Variants in MYO1F observed in about 807,000 individuals in gnomAD.
The protein encoded by MYO1F is unconventional myosin-If.
A neutral mutation model predicts 146.6 loss-of-function variants in MYO1F; 60 were observed. The ratio of observed to expected loss-of-function variants is 0.41; its 90% CI spans 0.33 to 0.51. MYO1F has a LOEUF of 0.51. MYO1F is among the 20% of genes least tolerant of loss of function. The pLI, the probability that MYO1F is intolerant of heterozygous loss-of-function variation, is 0.25. For missense variants in MYO1F, 1,274 were observed against 1,534.3 expected (o/e 0.83, Z 2.83); for synonymous variants, 602 against 602.1 (o/e 1.00, Z 0.00).
chr19:8,528,855 C>T (rs1568333868), intron 21 of MYO1F, among the ~76,000 whole-genome samples: 1 of 152,002 alleles, frequency 6.6e-6, no homozygotes, highest in Non-Finnish European at 1.5e-5. Flanking sequence ...TATCTGAACT[C>T]TATGAGTTTG....
intron 10 of MYO1F, among the ~76,000 whole-genome samples, chr19:8,548,809 C>T (rs185509910): frequency 0.013 from 1,975 of 151,002 alleles, 14 homozygotes; most frequent in Non-Finnish European, 0.019. Context: ...ACTGTGGTCT[C>T]GATCTCCTGA....
chr19:8,523,503 A>G (rs1972146598), intron 25 of MYO1F, among the ~76,000 whole-genome samples: 1 of 151,476 alleles, frequency 6.6e-6, no homozygotes. Context: ...ATGCTCCACT[A>G]TGCCCAGTTG....
rs149786856 is a variant in MYO1F, at chr19:8,526,997, C to T, written c.2475-62G>A. Reference sequence around the variant, plus strand: ...AGGTGAGGGCGACAGGTGAGAGAGACAGATGAAGGTGGCTGAAGGTGGATT... The same window carrying T: ...AGGTGAGGGCGACAGGTGAGAGAGATAGATGAAGGTGGCTGAAGGTGGATT... On this transcript the variant is annotated intron_variant, in intron 22 of 27. Coordinates refer to ENST00000644032, the MANE Select transcript of MYO1F (RefSeq NM_012335.4). The T allele has an allele frequency of 3.8e-6, 6 of 1,597,516 alleles. No homozygotes were observed. The Admixed American group carries it at 6.7e-5, about 18-fold the overall frequency.
chr19:8,547,185 C>T (rs1973396369), intron 12 of MYO1F, among the ~76,000 whole-genome samples: 1 of 151,396 alleles, frequency 6.6e-6, no homozygotes, highest in East Asian at 1.9e-4. Context: ...CCTGCGGTCC[C>T]AGCTACTTGA....
chr19:8,574,597 C>T (rs1600073078), intron 1 of MYO1F, among the ~76,000 whole-genome samples: 1 of 65,000 alleles, frequency 1.5e-5, no homozygotes, highest in African/African-American at 5.9e-5. Flanking sequence ...CTCTCTCTCT[C>T]TTTCTTTCTT....
At position 8,530,448 on chromosome 19, in the gene MYO1F, A is replaced by G. The variant is rs760082945; in HGVS notation, c.2158+11T>C. 13 of 1,613,676 alleles carry G rather than the reference A, an allele frequency of 8.1e-6. No homozygotes were observed. In the South Asian group the frequency reaches 1.3e-4, roughly 16 times the overall value. ...GCCCCCACCCCGCGCCGTTTACCCGAAGCCTCTCACCTTCCTCCCGCATCT... is the reference window on the plus strand; with the variant it reads ...GCCCCCACCCCGCGCCGTTTACCCGGAGCCTCTCACCTTCCTCCCGCATCT... On this transcript the variant is annotated intron_variant, in intron 20 of 27. Transcript: ENST00000644032. This position sits in a 1 kb window ranked among gnomAD's most constrained non-coding sequence, Gnocchi z 5.8.
At chr19:8,545,938 G>A (rs933805277) in intron 12 of MYO1F, among the ~76,000 whole-genome samples, 6 of 152,066 alleles carry the variant, frequency 3.9e-5, no homozygotes, top group Non-Finnish European at 8.8e-5. Context: ...AACAGGAGTG[G>A]GTGGATAAAT....
At chr19:8,572,949 G>A (rs1032084245) in intron 1 of MYO1F, among the ~76,000 whole-genome samples, 1 of 152,120 alleles carries the variant, frequency 6.6e-6, no homozygotes, top group Non-Finnish European at 1.5e-5. Flanking sequence ...TCCCACCTCC[G>A]TCTTCCAAAC....
intron 1 of MYO1F, among the ~76,000 whole-genome samples, chr19:8,568,432 A>AAAAAAAAAC (rs2042047616): frequency 6.8e-6 from 1 of 148,066 alleles, no homozygotes; most frequent in African/African-American, 2.6e-5. Context: ...CAAAAAAAAA[A>AAAAAAAAAC]AAAAAAAAAA....
rs529213453 is a variant in MYO1F, at chr19:8,568,295, C to T, written c.3+9012G>A. Among the ~76,000 whole-genome samples, 1,247 of 151,900 alleles carry T rather than the reference C, an allele frequency of 8.2e-3. 19 individuals are homozygous for T. Among genetic ancestry groups the T allele is most frequent in the African/African-American group, 0.028 (1,173 of 41,428 alleles). On this transcript the variant is annotated intron_variant, in intron 1 of 27. Transcript: ENST00000644032. ...AAAATTAGCCAGGTGCGGTGGCGGG[C>T]GCCCGTAGTCCCAGCTCCTCGGGAG...
At chr19:8,526,646 C>T (rs747431464) in intron 23 of MYO1F, 45 bp from the exon 24 acceptor site, 13 of 1,561,940 alleles carry the variant, frequency 8.3e-6, no homozygotes, top group Admixed American at 3.9e-5. Context: ...TGAGGTCCCC[C>T]GCCCCACCCA....
chr19:8,545,160 T>C (rs1973288612), intron 13 of MYO1F, among the ~76,000 whole-genome samples: 1 of 152,016 alleles, frequency 6.6e-6, no homozygotes, highest in Non-Finnish European at 1.5e-5. Flanking sequence ...CAATCATAGC[T>C]CACTGCACCC....
rs1048762343 is a variant in MYO1F, at chr19:8,543,064, C to T, written c.1525-1073G>A. On this transcript the variant is annotated intron_variant, in intron 14 of 27. Coordinates refer to ENST00000644032, the MANE Select transcript of MYO1F (RefSeq NM_012335.4). ...GATTACAGGTGCCCACGACCACGCC[C>T]GGCTGATTTTTGTATTTTTAGTAGA... is the stretch of plus-strand genomic sequence containing the variant. 2.0e-5 allele frequency among the ~76,000 whole-genome samples: 3 copies of T among 152,040 alleles called. No homozygotes were observed. The East Asian group carries it at 5.8e-4, about 30-fold the overall frequency.
intron 1 of MYO1F, among the ~76,000 whole-genome samples, chr19:8,566,157 A>G (rs1312185770): frequency 7.7e-6 from 1 of 130,350 alleles, no homozygotes; most frequent in Non-Finnish European, 1.6e-5. Context: ...GCTCCAGTCT[A>G]TGTCTTTTTT....
chr19:8,540,015 TC>T lies in MYO1F; in HGVS notation c.1623del (p.Met542CysfsTer33). 6.2e-7 allele frequency: 1 copy of T among 1,611,642 alleles called. No individual in the cohort carries two copies. The highest frequency in any genetic ancestry group is 8.5e-7 in the Non-Finnish European group (1 of 1,178,598). ...CCATCCAGCTTCTCGGGGAAGAGCA[TC>T]CGGAGGAAGGCCCTGGGTAGGAAAG... ...LMQTSEQAFL[R>X]MLFPEKLDGD... On this transcript the variant is annotated frameshift_variant, in exon 16 of 28. Coordinates refer to ENST00000644032, the MANE Select transcript of MYO1F (RefSeq NM_012335.4). LOFTEE classifies it high-confidence loss of function.
intron 1 of MYO1F, among the ~76,000 whole-genome samples, chr19:8,566,119 C>G (rs1429515547): frequency 6.6e-6 from 1 of 151,070 alleles, no homozygotes; most frequent in Non-Finnish European, 1.5e-5. Flanking sequence ...AACCCAAACA[C>G]CAAACTAGCA....
chr19:8,532,160 A>C (rs1434118711), intron 19 of MYO1F, among the ~76,000 whole-genome samples: 2 of 151,920 alleles, frequency 1.3e-5, no homozygotes, highest in African/African-American at 2.4e-5. Flanking sequence ...CATCTCAAAA[A>C]AAAAAAGAAA....
At chr19:8,545,097 AT>A (rs1265451195) in intron 13 of MYO1F, among the ~76,000 whole-genome samples, 1 of 146,900 alleles carries the variant, frequency 6.8e-6, no homozygotes, top group African/African-American at 2.5e-5. Context: ...CTTAAATTTA[AT>A]TTTTTTTGAG....
intron 12 of MYO1F, 46 bp downstream of exon 12, chr19:8,547,990 C>CCCCCCCCCCCCCGG: frequency 9.0e-7 from 1 of 1,112,570 alleles, no homozygotes; most frequent in Non-Finnish European, 1.4e-6. Flanking sequence ...CCTTCCACCC[C>CCCCCCCCCCCCCGG]ACCCCCACCC....
Sources: gnomAD v4.1 joint callset for allele counts (sites outside exome capture counted in the v4.1 genomes callset) on GRCh38, gnomAD v4.1.1 for gene constraint, Gnocchi (gnomAD v3.1) non-coding constraint, MANE v1.5 for transcripts, NCBI Gene and HGNC (gene_info 2026-07-23, HGNC 2026-07-21) for gene names.